Variants in POLR3K observed in about 807,000 individuals in gnomAD.
The protein encoded by POLR3K is DNA-directed RNA polymerase III subunit RPC10.
In POLR3K, 11 loss-of-function variants were observed where a neutral mutation model predicts 13.5. That is an observed-to-expected ratio of 0.81 (90% CI 0.51 to 1.35). The LOEUF is 1.35. POLR3K is among the 40% of genes most tolerant of loss of function. POLR3K has a pLI of 0.00. For missense variants in POLR3K, 144 were observed against 145.3 expected (o/e 0.99, Z 0.05); for synonymous variants, 56 against 51.5 (o/e 1.09, Z -0.38).
At chr16:50,461 T>C (rs574648282) in intron 2 of POLR3K, among the ~76,000 whole-genome samples, 72 of 152,278 alleles carry the variant, frequency 4.7e-4, no homozygotes, top group African/African-American at 1.7e-3. Flanking sequence ...ATTAGAAGCG[T>C]GTATTAGTCC....
chr16:51,490 C>G (rs765532909), intron 2 of POLR3K, 68 bp downstream of exon 2: 6 of 1,256,140 alleles, frequency 4.8e-6, no homozygotes, highest in Non-Finnish European at 7.0e-6. Flanking sequence ...ATAGACTCTG[C>G]CAAGCAGTGG....
Position 46,969 on chromosome 16 carries a change from C to T in POLR3K, c.*461G>A, listed in dbSNP as rs1897289043. 1 of 152,222 alleles carries T rather than the reference C, an allele frequency of 6.6e-6. No individual in the cohort carries two copies. The highest frequency in any genetic ancestry group is 2.4e-5 in the African/African-American group (1 of 41,372). The allele number at this position is 152,222 out of a possible 1,614,324, so 9.4% of individuals were successfully genotyped here. On this transcript the variant is annotated 3_prime_UTR_variant, in exon 3 of 3. Coordinates refer to ENST00000293860, the MANE Select transcript of POLR3K (RefSeq NM_016310.5). ...TTTCTACCTCTTAAGCTATTTAAAACACTGAGAAGGCAATATTCCAACTTT... is the reference window on the plus strand; with the variant it reads ...TTTCTACCTCTTAAGCTATTTAAAATACTGAGAAGGCAATATTCCAACTTT...
chr16:53,430 G>C, intron 1 of POLR3K, 46 bp downstream of exon 1: 1 of 1,533,496 alleles, frequency 6.5e-7, no homozygotes, highest in South Asian at 1.2e-5. Context: ...GGACGCGGAA[G>C]GCCTGCGAGA....
intron 2 of POLR3K, among the ~76,000 whole-genome samples, chr16:50,310 T>C (rs943875737): frequency 7.9e-5 from 12 of 152,012 alleles, no homozygotes; most frequent in African/African-American, 2.2e-4. Flanking sequence ...CAGTTATCTC[T>C]CTCACCTCTC....
At chr16:49,008 C>T (rs1164554656) in intron 2 of POLR3K, among the ~76,000 whole-genome samples, 12 of 151,590 alleles carry the variant, frequency 7.9e-5, no homozygotes, top group Admixed American at 2.6e-4. Context: ...AAAAATTAGC[C>T]GGGCGTGGTG....
intron 2 of POLR3K, among the ~76,000 whole-genome samples, chr16:50,120 G>A (rs1024758947): frequency 1.3e-5 from 2 of 151,954 alleles, no homozygotes; most frequent in African/African-American, 2.4e-5. Flanking sequence ...ACCACGCCTG[G>A]CTAATTTTTT....
intron 1 of POLR3K, 41 bp downstream of exon 1, chr16:53,435 G>C: frequency 6.6e-7 from 1 of 1,507,886 alleles, no homozygotes; most frequent in Non-Finnish European, 8.8e-7. Flanking sequence ...CGGAAGGCCT[G>C]CGAGAGTCGC....
At position 47,289 on chromosome 16, in the gene POLR3K, C is replaced by A. The variant is rs766939720; in HGVS notation, c.*141G>T. On this transcript the variant is annotated 3_prime_UTR_variant, in exon 3 of 3. Transcript: ENST00000293860. ...TGGCAGATAGGCCATATTTCCTGAC[C>A]CCCTGGCTCTTCACCTCAAAAGGTT... 8.9e-7 allele frequency: 1 copy of A among 1,124,162 alleles called. No homozygotes were observed. Among genetic ancestry groups the A allele is most frequent in the Non-Finnish European group, 1.2e-6 (1 of 821,858 alleles). The allele number at this position is 1,124,162 out of a possible 1,614,324, so 69.6% of individuals were successfully genotyped here. A position where few individuals can be genotyped will look rare whatever the true frequency, so the allele number is the denominator to read the frequency against.
At chr16:50,272 A>C (rs1897320435) in intron 2 of POLR3K, among the ~76,000 whole-genome samples, 1 of 151,496 alleles carries the variant, frequency 6.6e-6, no homozygotes, top group Non-Finnish European at 1.5e-5. Flanking sequence ...ATGTTCTTTT[A>C]TAGGGGGAAA....
At position 53,531 on chromosome 16, in the gene POLR3K, C is replaced by T. The variant is rs1448605078; in HGVS notation, c.56G>A (p.Arg19His). The T allele has an allele frequency of 2.5e-6, 4 of 1,613,198 alleles. No individual in the cohort carries two copies. Among genetic ancestry groups the T allele is most frequent in the Non-Finnish European group, 3.4e-6 (4 of 1,179,772 alleles). Residue 19 changes from arginine to histidine, a missense_variant, in exon 1 of 3, where the codon CGC (arginine) becomes CAC (histidine). Coordinates refer to ENST00000293860, the MANE Select transcript of POLR3K (RefSeq NM_016310.5). ...GNGLIVEEGQ[R>H]CHRFACNTCP... ...CGTGTTGCAGGCGAAGCGGTGGCAG[C>T]GTTGTCCCTCCTCCACGATCAGCCC...
chr16:51,041 C>T (rs1451704494), intron 2 of POLR3K, among the ~76,000 whole-genome samples: 1 of 152,204 alleles, frequency 6.6e-6, no homozygotes, highest in Non-Finnish European at 1.5e-5. Flanking sequence ...ATTCAATTAC[C>T]TCCCACTGGG....
At chr16:49,767 G>A (rs553218311) in intron 2 of POLR3K, among the ~76,000 whole-genome samples, 3 of 151,612 alleles carry the variant, frequency 2.0e-5, no homozygotes, top group African/African-American at 4.8e-5. Flanking sequence ...AGCCTCCCAA[G>A]TAGCTGGGAT....
Position 53,569 on chromosome 16 carries a change from G to C in POLR3K, c.18C>G (p.Pro6=), listed in dbSNP as rs757640996. MLLFC[P]GCGNGLIVEE... The stretch of plus-strand genomic sequence containing the variant: ...CCACGATCAGCCCGTTCCCGCAGCC[G>C]GGGCAGAACAGCAGCATGGTCTCGA... The change falls in exon 1 of 3, where the codon CCC becomes CCG. Residue 6 remains proline (P), a synonymous_variant. Transcript: ENST00000293860. 2.5e-6 allele frequency: 4 copies of C among 1,612,894 alleles called. No individual in the cohort carries two copies. In the South Asian group the frequency reaches 4.4e-5, roughly 18 times the overall value.
chr16:51,837 G>A, intron 1 of POLR3K, 192 bp from the exon 2 acceptor site: 1 of 484,374 alleles, frequency 2.1e-6, no homozygotes, highest in East Asian at 3.8e-5. Context: ...TGGCTAACAC[G>A]GTGAAACCCT....
intron 2 of POLR3K, among the ~76,000 whole-genome samples, chr16:50,582 G>A (rs546161505): frequency 2.8e-4 from 42 of 152,218 alleles, no homozygotes; most frequent in African/African-American, 1.0e-3. Context: ...GAGTGCAGTA[G>A]TGTGATCTCG....
At chr16:51,834 C>CACG in intron 1 of POLR3K, 189 bp from the exon 2 acceptor site, 1 of 496,218 alleles carries the variant, frequency 2.0e-6, no homozygotes, top group Non-Finnish European at 3.6e-6. Flanking sequence ...TCCTGGCTAA[C>CACG]ACGGTGAAAC....
chr16:48,084 T>G (rs572224621), intron 2 of POLR3K, among the ~76,000 whole-genome samples: 2 of 150,434 alleles, frequency 1.3e-5, no homozygotes, highest in South Asian at 2.1e-4. Context: ...TAGAGACAGG[T>G]TTTCACTATG....
chr16:53,513 C>T lies in POLR3K; in HGVS notation c.74G>A (p.Cys25Tyr). Residue 25 changes from cysteine (C) to tyrosine (Y), a missense_variant, in exon 1 of 3, where the codon TGC (cysteine) becomes TAC (tyrosine). By Grantham distance (194) the Cys-to-Tyr change is radical. Transcript: ENST00000293860. Reference protein sequence around the residue: ...EEGQRCHRFACNTCPYVHNIT... With the variant: ...EEGQRCHRFAYNTCPYVHNIT... ...GTTGTGCACGTAGGGGCACGTGTTGCAGGCGAAGCGGTGGCAGCGTTGTCC... is the reference window on the plus strand; with the variant it reads ...GTTGTGCACGTAGGGGCACGTGTTGTAGGCGAAGCGGTGGCAGCGTTGTCC... The T allele has an allele frequency of 6.2e-7, 1 of 1,613,046 alleles. No homozygotes were observed.
At chr16:47,842 C>A (rs1897297733) in intron 2 of POLR3K, among the ~76,000 whole-genome samples, 1 of 102,346 alleles carries the variant, frequency 9.8e-6, no homozygotes, top group Non-Finnish European at 1.8e-5. Context: ...GATCGTGCCA[C>A]TGCACTCAAA....
Sources: gnomAD v4.1 joint callset for allele counts (sites outside exome capture counted in the v4.1 genomes callset) on GRCh38, gnomAD v4.1.1 for gene constraint, MANE v1.5 for transcripts, NCBI Gene and HGNC (gene_info 2026-07-23, HGNC 2026-07-21) for gene names.